The following INSR variants were observed in gnomAD, a reference collection of about 807,000 sequenced individuals.
INSR encodes the protein insulin receptor, also known as IR.
A neutral mutation model predicts 142.6 loss-of-function variants in INSR; 67 were observed. The observed-to-expected ratio is 0.47, with a 90% confidence interval of 0.39 to 0.58. The LOEUF (loss-of-function observed/expected upper bound fraction) is 0.58, where lower values mean the gene tolerates loss of function less well. Ranked by LOEUF, INSR falls within the 20% of genes least tolerant of loss-of-function variation. The pLI is 0.00. For synonymous variants in INSR, 756 were observed against 743.1 expected (o/e 1.02, Z -0.28); for missense variants, 1,248 against 1,833.2 (o/e 0.68, Z 5.83).
intron 2 of INSR, among the ~76,000 whole-genome samples, chr19:7,236,251 C>T (rs1434146467): frequency 1.3e-5 from 2 of 152,064 alleles, no homozygotes; most frequent in Admixed American, 1.3e-4. Context: ...CATGAGCCAC[C>T]GCACCTGGCC....
intron 2 of INSR, among the ~76,000 whole-genome samples, chr19:7,204,711 G>T (rs909440825): frequency 3.0e-4 from 8 of 26,876 alleles, no homozygotes; most frequent in Admixed American, 1.2e-3. Context: ...GCACCTATGC[G>T]GGGAAAATGC....
At chr19:7,263,880 T>G (rs796480469) in intron 2 of INSR, among the ~76,000 whole-genome samples, 46 of 151,910 alleles carry the variant, frequency 3.0e-4, no homozygotes, top group African/African-American at 1.1e-3. Flanking sequence ...AAAACTTAGC[T>G]AGGTGTTGGC....
intron 2 of INSR, among the ~76,000 whole-genome samples, chr19:7,220,480 G>T (rs917561810): frequency 1.3e-5 from 2 of 152,114 alleles, no homozygotes; most frequent in African/African-American, 2.4e-5. Flanking sequence ...GTAGAGACGG[G>T]GTTTCGCCAT....
intron 2 of INSR, among the ~76,000 whole-genome samples, chr19:7,250,463 A>AAG (rs1568218064): frequency 5.1e-4 from 38 of 75,184 alleles, no homozygotes; most frequent in South Asian, 2.6e-3. Context: ...AAAAGGAAGA[A>AAG]AAGAAAGAAA....
Position 7,225,984 on chromosome 19 carries a change from G to A in INSR, c.653-41347C>T, listed in dbSNP as rs550325987. The stretch of plus-strand genomic sequence containing the variant: ...GCCCCAGGTGGAGAAACCCCGTCCC[G>A]GAATGAGAAGCCCCTCTCCTCCACC... On this transcript the variant is annotated intron_variant, in intron 2 of 21. Coordinates refer to ENST00000302850, the MANE Select transcript of INSR (RefSeq NM_000208.4). This position sits in a 1 kb window ranked among gnomAD's most constrained non-coding sequence, Gnocchi z 4.7. Among the ~76,000 whole-genome samples, 5 of 152,160 alleles carry A rather than the reference G, an allele frequency of 3.3e-5. No homozygotes were observed. The highest frequency in any genetic ancestry group is 6.5e-5 in the Admixed American group (1 of 15,274).
chr19:7,218,687 C>T (rs867908088), intron 2 of INSR, among the ~76,000 whole-genome samples: 2 of 152,044 alleles, frequency 1.3e-5, no homozygotes, highest in African/African-American at 4.8e-5. Context: ...ATCAGAGGCA[C>T]CCGCTGCCAC....
chr19:7,228,370 G>T (rs562751513), intron 2 of INSR, among the ~76,000 whole-genome samples: 1 of 152,296 alleles, frequency 6.6e-6, no homozygotes, highest in African/African-American at 2.4e-5. Context: ...TTGCATCTAT[G>T]AGACAATCAA....
chr19:7,287,424 G>T (rs1157449139), intron 1 of INSR, among the ~76,000 whole-genome samples: 1 of 151,680 alleles, frequency 6.6e-6, no homozygotes, highest in Non-Finnish European at 1.5e-5. Context: ...GCCTCCCAAA[G>T]TGCTTGGGAT....
intron 9 of INSR, among the ~76,000 whole-genome samples, chr19:7,157,172 G>C (rs1446030098): frequency 6.6e-6 from 1 of 152,198 alleles, no homozygotes; most frequent in African/African-American, 2.4e-5. Flanking sequence ...TAGAGACGGG[G>C]TTTGGCCATG....
chr19:7,130,336 A>G (rs1292524193), intron 14 of INSR, among the ~76,000 whole-genome samples: 2 of 152,220 alleles, frequency 1.3e-5, no homozygotes, highest in African/African-American at 4.8e-5. Context: ...GTTCTCACCC[A>G]TAAGTGAGAG....
At chr19:7,176,056 A>C (rs1345587735) in intron 3 of INSR, among the ~76,000 whole-genome samples, 1 of 152,108 alleles carries the variant, frequency 6.6e-6, no homozygotes, top group African/African-American at 2.4e-5. Context: ...TTCACACCAT[A>C]TCCCATGGAG....
At chr19:7,270,337 TCTCACACACACACACA>T (rs1967880328) in intron 1 of INSR, among the ~76,000 whole-genome samples, 1 of 95,662 alleles carries the variant, frequency 1.0e-5, no homozygotes. Context: ...TCTCTCTCTC[TCTCACACACACACACA>T]CACACACACA....
chr19:7,261,153 G>A (rs1233103539), intron 2 of INSR, among the ~76,000 whole-genome samples: 1 of 152,120 alleles, frequency 6.6e-6, no homozygotes, highest in Non-Finnish European at 1.5e-5. Context: ...CTCCCAAAGT[G>A]CTGGCATTAC....
At position 7,132,147 on chromosome 19, in the gene INSR, T is replaced by C; in HGVS notation, c.2842+11A>G. Reference sequence around the variant, plus strand: ...CAGCCCCAGTCAGCTGAGGCTGCCATGGAGACTTACAATAGTCTGTCACGT... The same window carrying C: ...CAGCCCCAGTCAGCTGAGGCTGCCACGGAGACTTACAATAGTCTGTCACGT... On this transcript the variant is annotated intron_variant, in intron 14 of 21. Coordinates refer to ENST00000302850, the MANE Select transcript of INSR (RefSeq NM_000208.4). 2 of 1,614,008 alleles carry C rather than the reference T, an allele frequency of 1.2e-6. No homozygotes were observed. The highest frequency in any genetic ancestry group is 1.7e-6 in the Non-Finnish European group (2 of 1,179,872).
At position 7,199,043 on chromosome 19, in the gene INSR, CT is replaced by C. The variant is rs1473854829; in HGVS notation, c.653-14407del. Among the ~76,000 whole-genome samples the C allele has an allele frequency of 5.9e-5, 9 of 152,106 alleles. No individual in the cohort carries two copies. In the East Asian group the frequency reaches 1.6e-3, roughly 26 times the overall value. On this transcript the variant is annotated intron_variant, in intron 2 of 21. Coordinates refer to ENST00000302850, the MANE Select transcript of INSR (RefSeq NM_000208.4). ...GGACTACAGGCGTGCATCACTATGC[CT>C]GGCTAATTTTTTCTATTTTTTTGTA...
chr19:7,131,962 C>T (rs1170738490), intron 14 of INSR, among the ~76,000 whole-genome samples, 196 bp downstream of exon 14: 1 of 150,488 alleles, frequency 6.6e-6, no homozygotes, highest in Admixed American at 6.6e-5. Flanking sequence ...TGTGCCAGTG[C>T]ACTCCAAAGC....
chr19:7,272,710 AG>A (rs1967960458), intron 1 of INSR, among the ~76,000 whole-genome samples: 1 of 152,222 alleles, frequency 6.6e-6, no homozygotes, highest in Non-Finnish European at 1.5e-5. Context: ...CCTCCAGTAT[AG>A]CTGGAACCAC....
chr19:7,146,534 T>C (rs182691945), intron 11 of INSR, among the ~76,000 whole-genome samples: 2 of 152,098 alleles, frequency 1.3e-5, no homozygotes, highest in East Asian at 1.9e-4. Context: ...TGAGCCACCA[T>C]GCTCAACCTC....
intron 1 of INSR, among the ~76,000 whole-genome samples, chr19:7,271,829 G>A (rs1347300270): frequency 6.6e-6 from 1 of 151,962 alleles, no homozygotes; most frequent in Non-Finnish European, 1.5e-5. Flanking sequence ...GGGCAACATA[G>A]CGAGTCTCCA....
Sources: allele counts gnomAD v4.1 joint callset (sites outside exome capture counted in the v4.1 genomes callset), GRCh38; gene constraint gnomAD v4.1.1; non-coding constraint Gnocchi (gnomAD v3.1); transcripts MANE v1.5; gene names NCBI Gene and HGNC (gene_info 2026-07-23, HGNC 2026-07-21).